CBR4: variants seen among roughly 807,000 people sequenced by gnomAD.
CBR4 encodes carbonyl reductase 4.
In CBR4, 22 loss-of-function variants were observed where a neutral mutation model predicts 21.0. The observed-to-expected ratio is 1.05, with a 90% CI of 0.75 to 1.50. CBR4 has a LOEUF of 1.50. Among genes scored for constraint, CBR4 ranks in the 40% most tolerant of loss-of-function variants. CBR4 has a pLI of 0.00. For missense variants in CBR4, 302 were observed against 286.3 expected, an observed-to-expected ratio of 1.05 and a Z score of -0.40; for synonymous variants, 100 against 104.4, an observed-to-expected ratio of 0.96 and a Z score of 0.26.
chr4:169,007,955 T>C (rs1299353096), intron 1 of CBR4, among the ~76,000 whole-genome samples, 199 bp from the exon 2 acceptor site: 2 of 152,156 alleles, frequency 1.3e-5, no homozygotes, highest in African/African-American at 2.4e-5. Flanking sequence ...GGAAATAAAG[T>C]ACTACTACAG....
chr4:168,916,912 G>A (rs1164798460), intron 2 of CBR4, among the ~76,000 whole-genome samples: 3 of 151,578 alleles, frequency 2.0e-5, no homozygotes, highest in Admixed American at 6.6e-5. Flanking sequence ...TTCATGATCC[G>A]CCCACCTCAG....
downstream of CBR4, among the ~76,000 whole-genome samples, chr4:168,986,577 A>G (rs1283553783): frequency 6.6e-6 from 1 of 152,144 alleles, no homozygotes; most frequent in Non-Finnish European, 1.5e-5. Flanking sequence ...TCTACCTCCT[A>G]TTACTAGCAG....
chr4:168,975,084 T>A (rs557141812), intron 2 of CBR4, among the ~76,000 whole-genome samples: 6 of 152,322 alleles, frequency 3.9e-5, no homozygotes, highest in African/African-American at 1.4e-4. Context: ...TCAGGTTCTG[T>A]CCCATGGGGT....
At chr4:168,975,739 A>G (rs1405167051) in intron 2 of CBR4, among the ~76,000 whole-genome samples, 1 of 152,088 alleles carries the variant, frequency 6.6e-6, no homozygotes, top group African/African-American at 2.4e-5. Flanking sequence ...CTGAGCTCAG[A>G]TTCTCCCTGG....
downstream of CBR4, among the ~76,000 whole-genome samples, chr4:168,987,336 TG>T: frequency 6.6e-6 from 1 of 152,320 alleles, no homozygotes; most frequent in South Asian, 2.1e-4. Flanking sequence ...TCCCCAACTA[TG>T]GCACAATGTA....
At chr4:168,966,891 A>C (rs1479539739) in intron 2 of CBR4, among the ~76,000 whole-genome samples, 1 of 150,358 alleles carries the variant, frequency 6.7e-6, no homozygotes, top group East Asian at 2.0e-4. Context: ...GGTGGCAGGT[A>C]CCTGTAGTCC....
At chr4:168,936,113 C>G (rs1042524928) in intron 2 of CBR4, among the ~76,000 whole-genome samples, 1 of 152,200 alleles carries the variant, frequency 6.6e-6, no homozygotes, top group Non-Finnish European at 1.5e-5. Flanking sequence ...TGTTCTGCAG[C>G]CTCCGCTGGT....
chr4:169,000,730 T>TA (rs778559155), intron 4 of CBR4, among the ~76,000 whole-genome samples: 10 of 152,212 alleles, frequency 6.6e-5, no homozygotes, highest in Non-Finnish European at 1.3e-4. Context: ...AGTAAATACC[T>TA]AATCAAAATT....
At chr4:168,910,938 G>A (rs1382362517) in intron 2 of CBR4, among the ~76,000 whole-genome samples, 2 of 152,096 alleles carry the variant, frequency 1.3e-5, no homozygotes, top group Non-Finnish European at 2.9e-5. Flanking sequence ...TTCTTGCTGG[G>A]GTCCGCCAAG....
intron 2 of CBR4, chr4:168,904,159 T>C (rs1757132730): frequency 2.1e-6 from 1 of 471,676 alleles, no homozygotes; most frequent in Non-Finnish European, 3.9e-6. Flanking sequence ...ACACACTTTC[T>C]ATGTGGGTGA....
chr4:168,955,921 T>C (rs1763672679), intron 2 of CBR4, among the ~76,000 whole-genome samples: 1 of 152,126 alleles, frequency 6.6e-6, no homozygotes, highest in South Asian at 2.1e-4. Context: ...GAAAATTTCA[T>C]GGTTGCTTGG....
chr4:168,966,356 CAAAAAA>C (rs1215042926), intron 2 of CBR4, among the ~76,000 whole-genome samples: 5 of 75,182 alleles, frequency 6.7e-5, no homozygotes, highest in Non-Finnish European at 1.2e-4. Flanking sequence ...ACTAAAAATA[CAAAAAA>C]AAAAAAAAAA....
At chr4:169,008,003 G>C (rs1024435993) in intron 1 of CBR4, among the ~76,000 whole-genome samples, 2 of 152,148 alleles carry the variant, frequency 1.3e-5, no homozygotes, top group Non-Finnish European at 2.9e-5. Flanking sequence ...ATCAACAAAG[G>C]GGGGAGGGCT....
intron 2 of CBR4, chr4:168,926,573 A>G (rs910121080): frequency 1.9e-6 from 1 of 523,478 alleles, no homozygotes; most frequent in African/African-American, 1.9e-5. Context: ...TAATACAAAT[A>G]TACACATTGC....
intron 2 of CBR4, chr4:168,903,702 A>G: frequency 7.0e-7 from 1 of 1,437,566 alleles, no homozygotes; most frequent in Middle Eastern, 2.2e-4. Context: ...TCAGTTCTCC[A>G]AATAGAGTAG....
intron 2 of CBR4, among the ~76,000 whole-genome samples, chr4:168,936,244 A>G (rs994293752): frequency 1.3e-5 from 2 of 152,226 alleles, no homozygotes; most frequent in Non-Finnish European, 2.9e-5. Flanking sequence ...CAACATCAAC[A>G]AAAAGGATGT....
chr4:168,994,808 A>G (rs1551615), intron 4 of CBR4, among the ~76,000 whole-genome samples: 137,753 of 143,856 alleles, frequency 0.96, 65,962 homozygotes, highest in East Asian at 1. Flanking sequence ...AGGCTGGAGT[A>G]CAATGGCATG....
chr4:168,997,611 AT>A (rs1437972636), intron 4 of CBR4, among the ~76,000 whole-genome samples: 1 of 152,082 alleles, frequency 6.6e-6, no homozygotes. Context: ...TTTTTAAACA[AT>A]TTTTTTAAAA....
At chr4:168,909,658 T>G (rs956377548) in intron 2 of CBR4, among the ~76,000 whole-genome samples, 1 of 152,136 alleles carries the variant, frequency 6.6e-6, no homozygotes, top group Non-Finnish European at 1.5e-5. Context: ...AATGAGAAAA[T>G]TAATAAAAGC....
Sources: allele counts gnomAD v4.1 joint callset (sites outside exome capture counted in the v4.1 genomes callset), GRCh38; gene constraint gnomAD v4.1.1; transcripts MANE v1.5; gene names NCBI Gene and HGNC (gene_info 2026-07-23, HGNC 2026-07-21).